PRR14L: variants seen among roughly 807,000 people sequenced by gnomAD.
PRR14L encodes the protein proline rich 14 like.
A neutral mutation model predicts 155.0 loss-of-function variants in PRR14L; 80 were observed. The observed-to-expected ratio is 0.52, with a 90% CI of 0.43 to 0.62. PRR14L has a LOEUF of 0.62. Among genes scored for constraint, PRR14L ranks in the 20% least tolerant of loss-of-function variants. The pLI, the probability that PRR14L is intolerant of heterozygous loss-of-function variation, is 0.00. For missense variants in PRR14L, 2,469 were observed against 2,548.0 expected (o/e 0.97, Z 0.67); for synonymous variants, 883 against 916.0 (o/e 0.96, Z 0.65).
intron 4 of PRR14L, among the ~76,000 whole-genome samples, chr22:31,705,931 G>A (rs1049611462): frequency 2.0e-5 from 3 of 151,948 alleles, no homozygotes; most frequent in Admixed American, 6.6e-5. Context: ...AACCCGGGAG[G>A]AGGAGATTGT....
chr22:31,706,371 A>G (rs2074591744), intron 4 of PRR14L, among the ~76,000 whole-genome samples: 1 of 151,518 alleles, frequency 6.6e-6, no homozygotes, highest in East Asian at 1.9e-4. Context: ...TCACAAAAAA[A>G]AAAAAAAAAA....
At chr22:31,706,293 G>A (rs1389662185) in intron 4 of PRR14L, among the ~76,000 whole-genome samples, 1 of 144,846 alleles carries the variant, frequency 6.9e-6, no homozygotes, top group Non-Finnish European at 1.5e-5. Flanking sequence ...AACCCAGGAG[G>A]CAGAGGCTGC....
chr22:31,715,895 A>C lies in PRR14L; in HGVS notation c.1944T>G (p.Ser648Arg). The change falls in exon 4 of 9, where the codon AGT (serine) becomes AGG (arginine). Residue 648 changes from serine (S) to arginine (R), a missense_variant. Ser to Arg is a moderately radical substitution (Grantham distance 110). Coordinates refer to ENST00000327423, the MANE Select transcript of PRR14L (RefSeq NM_173566.3). ...TNELVVNKVE[S>R]ECVLNQQVSL... The stretch of plus-strand genomic sequence containing the variant: ...ACACTTGTTGATTTAAAACACATTC[A>C]CTTTCTACTTTGTTTACAACCAGTT... 6.4e-7 allele frequency: 1 copy of C among 1,551,576 alleles called. No individual in the cohort carries two copies. Among genetic ancestry groups the C allele is most frequent in the East Asian group, 2.4e-5 (1 of 40,918 alleles).
chr22:31,739,096 T>C (rs996126731), intron 1 of PRR14L, among the ~76,000 whole-genome samples, 185 bp from the exon 2 acceptor site: 1 of 152,232 alleles, frequency 6.6e-6, no homozygotes, highest in Non-Finnish European at 1.5e-5. Context: ...TTAATAACGT[T>C]TGAGATTAGA....
chr22:31,689,865 C>A (rs2074502524), intron 7 of PRR14L, among the ~76,000 whole-genome samples: 1 of 152,092 alleles, frequency 6.6e-6, no homozygotes, highest in African/African-American at 2.4e-5. Flanking sequence ...TCCTGCCCAG[C>A]CTCCTCAGTA....
At chr22:31,729,383 TTG>T (rs2074735681) in intron 2 of PRR14L, among the ~76,000 whole-genome samples, 1 of 151,800 alleles carries the variant, frequency 6.6e-6, no homozygotes, top group Non-Finnish European at 1.5e-5. Flanking sequence ...GGCTAATTTT[TTG>T]TGTGTGTATT....
rs1292393512 is a variant in PRR14L, at chr22:31,716,143, G to A, written c.1696C>T (p.Leu566=). The change falls in exon 4 of 9, where the codon CTG becomes TTG. Residue 566 remains leucine (L), a synonymous_variant. Transcript: ENST00000327423. The part of the protein sequence containing the change: ...QLNEASCNDF[L]FERKSIVSLM... Reference sequence around the variant, plus strand: ...CTCACAATGGATTTTCTTTCAAACAGAAAATCATTACATGATGCTTCATTT... The same window carrying A: ...CTCACAATGGATTTTCTTTCAAACAAAAAATCATTACATGATGCTTCATTT... 1 of 1,551,266 alleles carries A rather than the reference G, an allele frequency of 6.4e-7. No homozygotes were observed. Among genetic ancestry groups the A allele is most frequent in the African/African-American group, 1.4e-5 (1 of 73,042 alleles).
rs1278292631 is a variant in PRR14L, at chr22:31,685,937, TTTTC to T, written c.6180-138_6180-135del. ...ACTGAAAGCTACTTGCGCCAACTCT[TTTTC>T]TTTTTTTTGTGAGACAGAATTTCAC... On this transcript the variant is annotated intron_variant, in intron 8 of 8. Transcript: ENST00000327423. 5 of 792,202 alleles carry T rather than the reference TTTTC, an allele frequency of 6.3e-6. No homozygotes were observed. The African/African-American group carries it at 7.0e-5, about 11-fold the overall frequency. 49.1% of individuals were successfully genotyped at this position (792,202 alleles called of 1,614,324 possible).
At chr22:31,744,227 G>C (rs957318933) in intron 1 of PRR14L, among the ~76,000 whole-genome samples, 1 of 151,372 alleles carries the variant, frequency 6.6e-6, no homozygotes, top group African/African-American at 2.4e-5. Context: ...CCACCTCCCA[G>C]GTTCAAGAGA....
chr22:31,711,695 A>T (rs999517869), intron 4 of PRR14L, among the ~76,000 whole-genome samples: 15 of 150,838 alleles, frequency 9.9e-5, no homozygotes, highest in African/African-American at 3.2e-4. Flanking sequence ...GAAGGAGGAG[A>T]ATCGCTTGAA....
At chr22:31,733,739 T>C (rs1293295294) in intron 2 of PRR14L, among the ~76,000 whole-genome samples, 5 of 152,178 alleles carry the variant, frequency 3.3e-5, no homozygotes, top group Non-Finnish European at 7.3e-5. Context: ...TGTTTCCTCA[T>C]AGCCTTGCTT....
chr22:31,734,936 T>G (rs2074770435), intron 2 of PRR14L, among the ~76,000 whole-genome samples: 1 of 152,220 alleles, frequency 6.6e-6, no homozygotes, highest in Admixed American at 6.5e-5. Context: ...TGGAACAAAG[T>G]CAATTCTAAT....
At chr22:31,732,358 T>C (rs1172677522) in intron 2 of PRR14L, among the ~76,000 whole-genome samples, 1 of 152,166 alleles carries the variant, frequency 6.6e-6, no homozygotes, top group Non-Finnish European at 1.5e-5. Context: ...GTTTCCACCA[T>C]TCCCTAAACA....
Position 31,715,805 on chromosome 22 carries a change from C to A in PRR14L, c.2034G>T (p.Met678Ile). ...GGGCATCTCTGCCTGTTGCTAAAGG[C>A]ATCTCTTTGTTTAAATGCAGTAGAG... Reference protein sequence around the residue: ...TDSLLHLNKEMPLATGRDAHQ... With the variant: ...TDSLLHLNKEIPLATGRDAHQ... Residue 678 changes from methionine (M) to isoleucine (I), a missense_variant, in exon 4 of 9, where the codon ATG (methionine) becomes ATT (isoleucine). Transcript: ENST00000327423. 1 of 1,551,720 alleles carries A rather than the reference C, an allele frequency of 6.4e-7. No homozygotes were observed. The highest frequency in any genetic ancestry group is 2.4e-5 in the East Asian group (1 of 40,928).
At chr22:31,687,631 C>T (rs1346528804) in intron 8 of PRR14L, among the ~76,000 whole-genome samples, 12 of 151,390 alleles carry the variant, frequency 7.9e-5, no homozygotes, top group South Asian at 4.2e-4. Flanking sequence ...GGATTACAGG[C>T]GTGAGCCACC....
At chr22:31,706,428 C>CTTTTTTTTTTTTTTTTTTTTTT (rs771902267) in intron 4 of PRR14L, among the ~76,000 whole-genome samples, 2 of 142,216 alleles carry the variant, frequency 1.4e-5, no homozygotes, top group African/African-American at 2.8e-5. Flanking sequence ...TAAACTCTTC[C>CTTTTTTTTTTTTTTTTTTTTTT]TTTTTCTTTT....
chr22:31,735,703 C>T (rs1045776632), intron 2 of PRR14L, among the ~76,000 whole-genome samples: 1 of 150,366 alleles, frequency 6.7e-6, no homozygotes, highest in Non-Finnish European at 1.5e-5. Flanking sequence ...AGAAGTAACA[C>T]AATAGGAACT....
chr22:31,682,585 A>G lies in PRR14L; in HGVS notation c.*2942T>C, dbSNP rs947346564. The stretch of plus-strand genomic sequence containing the variant: ...AGAAGGCAAACACAGCTAGAAACTG[A>G]AAGATGGAAAAAAAAACAAAAAACA... On this transcript the variant is annotated 3_prime_UTR_variant, in exon 9 of 9. Transcript: ENST00000327423. 2 of 151,910 alleles carry G rather than the reference A, an allele frequency of 1.3e-5. No individual in the cohort carries two copies. The highest frequency in any genetic ancestry group is 4.9e-5 in the African/African-American group (2 of 41,160). The allele number at this position is 151,910 out of a possible 1,614,324, so 9.4% of individuals were successfully genotyped here.
At chr22:31,738,933 G>T (rs2074797775) in intron 1 of PRR14L, 22 bp from the exon 2 acceptor site, 6 of 1,096,626 alleles carry the variant, frequency 5.5e-6, no homozygotes, top group Non-Finnish European at 7.7e-6. Context: ...CACAGGAAGG[G>T]ATAAAAGTTT....
Sources: allele counts gnomAD v4.1 joint callset (sites outside exome capture counted in the v4.1 genomes callset), GRCh38; gene constraint gnomAD v4.1.1; transcripts MANE v1.5; gene names NCBI Gene and HGNC (gene_info 2026-07-23, HGNC 2026-07-21).